Variants in CCDC91 observed in about 807,000 individuals in gnomAD.
CCDC91 encodes coiled-coil domain-containing protein 91.
Under a neutral mutation model 63.2 loss-of-function variants are expected in CCDC91, and 48 were observed. That is an observed-to-expected ratio of 0.76 (90% CI 0.60 to 0.97). The LOEUF (loss-of-function observed/expected upper bound fraction) is 0.97, where lower values mean the gene tolerates loss of function less well. Among genes scored for constraint, CCDC91 ranks in the 50% least tolerant of loss-of-function variants. The pLI is 0.00. For synonymous variants in CCDC91, 167 were observed against 165.8 expected, an observed-to-expected ratio of 1.01 and a Z score of -0.06; for missense variants, 500 against 494.6, an observed-to-expected ratio of 1.01 and a Z score of -0.10.
intron 8 of CCDC91, among the ~76,000 whole-genome samples, chr12:28,417,244 T>C (rs536211773): frequency 9.9e-5 from 15 of 152,256 alleles, no homozygotes; most frequent in Admixed American, 3.3e-4. Flanking sequence ...CTTTCATTTA[T>C]TTTTTCATTT....
intron 11 of CCDC91, among the ~76,000 whole-genome samples, chr12:28,476,797 G>A (rs911641682): frequency 4.6e-5 from 7 of 152,000 alleles, no homozygotes; most frequent in South Asian, 2.1e-4. Flanking sequence ...TACCACCACC[G>A]ATCCCACAGA....
chr12:28,292,740 A>G (rs1456672877), intron 3 of CCDC91, among the ~76,000 whole-genome samples: 1 of 152,202 alleles, frequency 6.6e-6, no homozygotes, highest in East Asian at 1.9e-4. Flanking sequence ...TAGTATATAA[A>G]TTGTCAGGTA....
At chr12:28,326,303 A>T (rs1040430769) in intron 6 of CCDC91, among the ~76,000 whole-genome samples, 5 of 151,812 alleles carry the variant, frequency 3.3e-5, no homozygotes, top group African/African-American at 1.2e-4. Context: ...CATTTGGGAT[A>T]TTTTTTATTA....
At chr12:28,525,678 G>A (rs1013662620) in intron 12 of CCDC91, among the ~76,000 whole-genome samples, 2 of 152,044 alleles carry the variant, frequency 1.3e-5, no homozygotes, top group Non-Finnish European at 2.9e-5. Context: ...TTGATGACCT[G>A]TCTCGTGCTG....
intron 7 of CCDC91, among the ~76,000 whole-genome samples, chr12:28,371,412 C>T (rs138110454): frequency 2.7e-4 from 41 of 152,286 alleles, no homozygotes; most frequent in African/African-American, 5.1e-4. Flanking sequence ...TGAAACCATC[C>T]GCTTTACCCT....
At chr12:28,267,676 ATATG>A (rs1374114818) in intron 3 of CCDC91, among the ~76,000 whole-genome samples, 600 of 15,192 alleles carry the variant, frequency 0.039, 15 homozygotes, top group South Asian at 0.35. Context: ...TAATTATATT[ATATG>A]TTATATAAAT....
chr12:28,415,350 A>G (rs1295406273), intron 8 of CCDC91, among the ~76,000 whole-genome samples: 1 of 151,828 alleles, frequency 6.6e-6, no homozygotes, highest in African/African-American at 2.4e-5. Context: ...CAGCCTCCCG[A>G]GTAGCTGGGA....
intron 11 of CCDC91, among the ~76,000 whole-genome samples, chr12:28,480,505 G>A (rs1419695621): frequency 6.6e-6 from 1 of 151,900 alleles, no homozygotes; most frequent in Admixed American, 6.6e-5. Flanking sequence ...ACACAAAGTA[G>A]GTATTTAGGA....
chr12:28,475,179 A>C (rs1043363767), intron 11 of CCDC91, among the ~76,000 whole-genome samples: 5 of 152,046 alleles, frequency 3.3e-5, no homozygotes, highest in African/African-American at 1.2e-4. Context: ...ACAAGTATTG[A>C]CTCATTTTTA....
chr12:28,296,422 A>C (rs1299360820), intron 3 of CCDC91, among the ~76,000 whole-genome samples: 3 of 151,950 alleles, frequency 2.0e-5, no homozygotes, highest in Non-Finnish European at 2.9e-5. Flanking sequence ...ATAGTATGCC[A>C]ATAACTCTAG....
chr12:28,305,725 C>A lies in CCDC91; in HGVS notation c.186C>A (p.Leu62=). The A allele has an allele frequency of 6.2e-7, 1 of 1,613,208 alleles. No individual in the cohort carries two copies. Among genetic ancestry groups the A allele is most frequent in the East Asian group, 2.2e-5 (1 of 44,832 alleles). The change falls in exon 4 of 13, where the codon CTC becomes CTA. Residue 62 remains leucine, a synonymous_variant. Transcript: ENST00000536442. The part of the protein sequence containing the change: ...DRDHSSSIGC[L]SSDAIISSPE... ...ACCACTCTTCTTCCATTGGCTGCCT[C>A]TCTTCTGATGCCATTATTTCATCAC...
intron 6 of CCDC91, among the ~76,000 whole-genome samples, chr12:28,341,935 T>A (rs1025682329): frequency 6.6e-6 from 1 of 152,208 alleles, no homozygotes; most frequent in Non-Finnish European, 1.5e-5. Flanking sequence ...TCTTAAGATG[T>A]CCACCTCCTA....
chr12:28,524,098 G>T (rs1251425492), intron 12 of CCDC91, among the ~76,000 whole-genome samples: 1 of 152,020 alleles, frequency 6.6e-6, no homozygotes, highest in Non-Finnish European at 1.5e-5. Flanking sequence ...ACTAACAGTG[G>T]ATCTCTCGGC....
chr12:28,467,302 T>G (rs1357738040), intron 11 of CCDC91, among the ~76,000 whole-genome samples: 1 of 151,846 alleles, frequency 6.6e-6, no homozygotes, highest in Non-Finnish European at 1.5e-5. Context: ...AAACCAAAAA[T>G]GAGCAGGAGT....
chr12:28,483,219 C>A (rs1002630801), intron 11 of CCDC91, among the ~76,000 whole-genome samples: 9 of 151,898 alleles, frequency 5.9e-5, no homozygotes, highest in African/African-American at 2.2e-4. Context: ...AAGTGAAGAA[C>A]CTCCAAGAAT....
intron 12 of CCDC91, among the ~76,000 whole-genome samples, chr12:28,533,565 T>C (rs1941915822): frequency 6.6e-6 from 1 of 152,114 alleles, no homozygotes; most frequent in Admixed American, 6.6e-5. Context: ...ATGTTGTGAC[T>C]ATTTGATAAA....
chr12:28,330,766 A>G (rs1026433085), intron 6 of CCDC91, among the ~76,000 whole-genome samples: 1 of 152,194 alleles, frequency 6.6e-6, no homozygotes, highest in Non-Finnish European at 1.5e-5. Context: ...TGGGCACACT[A>G]TAGGGGTTGC....
intron 6 of CCDC91, among the ~76,000 whole-genome samples, chr12:28,358,461 T>C (rs1943661146): frequency 6.6e-6 from 1 of 152,238 alleles, no homozygotes; most frequent in Non-Finnish European, 1.5e-5. Flanking sequence ...TCAGTGCTTA[T>C]TGACTGAGCT....
At chr12:28,246,285 C>T (rs1945728730) in intron 1 of CCDC91, among the ~76,000 whole-genome samples, 1 of 152,030 alleles carries the variant, frequency 6.6e-6, no homozygotes, top group Non-Finnish European at 1.5e-5. Context: ...TCCAGATAAG[C>T]ACAGGGAAGA....
Sources: allele counts gnomAD v4.1 joint callset (sites outside exome capture counted in the v4.1 genomes callset), GRCh38; gene constraint gnomAD v4.1.1; transcripts MANE v1.5; gene names NCBI Gene and HGNC (gene_info 2026-07-23, HGNC 2026-07-21).